AP2B1: variants seen among roughly 807,000 people sequenced by gnomAD.
AP2B1 encodes the protein AP-2 complex subunit beta.
A neutral mutation model predicts 102.0 loss-of-function variants in AP2B1; 23 were observed. The ratio of observed to expected loss-of-function variants is 0.23; its 90% CI spans 0.16 to 0.32. AP2B1 has a LOEUF of 0.32. AP2B1 is among the 10% of genes least tolerant of loss of function. The pLI is 1.00. For synonymous variants in AP2B1, 381 were observed against 421.2 expected (o/e 0.90, Z 1.17); for missense variants, 541 against 1,157.4 (o/e 0.47, Z 7.73).
intron 5 of AP2B1, chr17:35,621,285 C>T (rs1193174205): frequency 5.1e-6 from 5 of 984,756 alleles, no homozygotes; most frequent in African/African-American, 1.7e-5. Flanking sequence ...AGATTCAGTG[C>T]GACTGATTTA....
chr17:35,707,422 A>T (rs1299868034), intron 18 of AP2B1, among the ~76,000 whole-genome samples: 1 of 147,608 alleles, frequency 6.8e-6, no homozygotes, highest in African/African-American at 2.5e-5. Context: ...AAGTGCTGGG[A>T]TTACAGGCGT....
chr17:35,606,732 A>G (rs1263936109), intron 4 of AP2B1, among the ~76,000 whole-genome samples: 1 of 152,092 alleles, frequency 6.6e-6, no homozygotes, highest in Admixed American at 6.5e-5. Flanking sequence ...CCTGAACATC[A>G]TATATTAAAT....
At chr17:35,691,277 TC>T (rs1272029209) in intron 18 of AP2B1, among the ~76,000 whole-genome samples, 1 of 152,196 alleles carries the variant, frequency 6.6e-6, no homozygotes, top group East Asian at 1.9e-4. Context: ...GGAAATTCTG[TC>T]CCTTGCTACT....
intron 14 of AP2B1, among the ~76,000 whole-genome samples, chr17:35,660,989 G>T (rs1277606664): frequency 3.3e-5 from 5 of 152,202 alleles, no homozygotes; most frequent in Non-Finnish European, 7.3e-5. Context: ...ATTGTGTGGT[G>T]GTTTGGGAAG....
intron 5 of AP2B1, among the ~76,000 whole-genome samples, chr17:35,611,259 G>A (rs115184023): frequency 1.0e-3 from 152 of 152,242 alleles, no homozygotes; most frequent in African/African-American, 3.6e-3. Context: ...TCAACCAGGT[G>A]GGCAGAATAT....
At chr17:35,607,073 T>G (rs1057134231) in intron 4 of AP2B1, among the ~76,000 whole-genome samples, 1 of 152,094 alleles carries the variant, frequency 6.6e-6, no homozygotes, top group African/African-American at 2.4e-5. Flanking sequence ...ACCTGGCTAA[T>G]TTTGTATATT....
chr17:35,611,508 C>T (rs1192781816), intron 5 of AP2B1, among the ~76,000 whole-genome samples: 1 of 152,024 alleles, frequency 6.6e-6, no homozygotes, highest in African/African-American at 2.4e-5. Context: ...CACACACACT[C>T]AAGTAGCACA....
At chr17:35,682,335 T>TG (rs2075840554) in intron 17 of AP2B1, among the ~76,000 whole-genome samples, 1 of 65,984 alleles carries the variant, frequency 1.5e-5, no homozygotes, top group Non-Finnish European at 2.8e-5. Flanking sequence ...ATCCTGCCTC[T>TG]TTTTTTTTTT....
chr17:35,606,996 C>T (rs914821043), intron 4 of AP2B1, among the ~76,000 whole-genome samples: 22 of 152,018 alleles, frequency 1.4e-4, no homozygotes, highest in Middle Eastern at 6.8e-3. Context: ...ACCTCCGCCT[C>T]CCGGGCTCAA....
intron 17 of AP2B1, among the ~76,000 whole-genome samples, chr17:35,676,375 A>G (rs138003327): frequency 6.6e-6 from 1 of 152,286 alleles, no homozygotes; most frequent in African/African-American, 2.4e-5. Flanking sequence ...TATAAATGAA[A>G]TTACATAATA....
intron 15 of AP2B1, 24 bp downstream of exon 15, chr17:35,670,922 C>A: frequency 6.2e-7 from 1 of 1,613,052 alleles, no homozygotes; most frequent in South Asian, 1.1e-5. Context: ...GTTTTTTTCA[C>A]CATGAGAAGC....
At chr17:35,647,023 T>C (rs1035896793) in intron 12 of AP2B1, among the ~76,000 whole-genome samples, 2 of 152,236 alleles carry the variant, frequency 1.3e-5, no homozygotes, top group Non-Finnish European at 2.9e-5. Context: ...CTATGTATTA[T>C]AAAGTTGAAT....
chr17:35,628,792 T>C (rs372770138), intron 9 of AP2B1, among the ~76,000 whole-genome samples: 1 of 152,230 alleles, frequency 6.6e-6, no homozygotes, highest in Non-Finnish European at 1.5e-5. Flanking sequence ...CTATATCCAT[T>C]ATCATGGTAG....
chr17:35,701,261 T>A (rs1013399789), intron 18 of AP2B1, among the ~76,000 whole-genome samples: 4 of 152,228 alleles, frequency 2.6e-5, no homozygotes, highest in African/African-American at 9.6e-5. Flanking sequence ...TTTATTTTTT[T>A]AATGCCAGTT....
chr17:35,628,753 G>A (rs2074382828), intron 9 of AP2B1, among the ~76,000 whole-genome samples: 2 of 152,134 alleles, frequency 1.3e-5, no homozygotes, highest in African/African-American at 2.4e-5. Flanking sequence ...CTGTTTTCCA[G>A]TGTAGTTACA....
intron 18 of AP2B1, among the ~76,000 whole-genome samples, chr17:35,683,130 G>A (rs2075859497): frequency 6.6e-6 from 1 of 151,646 alleles, no homozygotes; most frequent in African/African-American, 2.4e-5. Flanking sequence ...TGCCCACATG[G>A]ACCTCCCAAA....
At chr17:35,646,396 T>A (rs1261690877) in intron 12 of AP2B1, among the ~76,000 whole-genome samples, 1 of 3,382 alleles carries the variant, frequency 3.0e-4, no homozygotes, top group Non-Finnish European at 4.8e-4. Flanking sequence ...GTTTGAGCAG[T>A]TAGGAGATTC....
In AP2B1 at chr17:35,679,979, T is replaced by C. The variant is rs587768329; in HGVS notation, c.2325-2716T>C. Reference sequence around the variant, plus strand: ...TTCGCTCTTGTTGCCCAGGCTGCAGTGCATTGGCATGATCTTGGCTCACTG... The same window carrying C: ...TTCGCTCTTGTTGCCCAGGCTGCAGCGCATTGGCATGATCTTGGCTCACTG... On this transcript the variant is annotated intron_variant, in intron 17 of 21. Transcript: ENST00000610402. 1.7e-3 allele frequency among the ~76,000 whole-genome samples: 260 copies of C among 151,174 alleles called. 3 individuals are homozygous for C. Among genetic ancestry groups the C allele is most frequent in the African/African-American group, 6.1e-3 (251 of 41,162 alleles).
chr17:35,722,979 A>G (rs1336035855), intron 21 of AP2B1, among the ~76,000 whole-genome samples: 6 of 152,204 alleles, frequency 3.9e-5, no homozygotes, highest in African/African-American at 1.4e-4. Context: ...GTAGAGGGGT[A>G]TCAGAGGTAT....
Sources: gnomAD v4.1 joint callset for allele counts (sites outside exome capture counted in the v4.1 genomes callset) on GRCh38, gnomAD v4.1.1 for gene constraint, MANE v1.5 for transcripts, NCBI Gene and HGNC (gene_info 2026-07-23, HGNC 2026-07-21) for gene names.